The following TENM2 variants were observed in gnomAD, a reference collection of about 807,000 sequenced individuals.
The protein encoded by TENM2 is teneurin-2.
A neutral mutation model predicts 245.2 loss-of-function variants in TENM2; 52 were observed. The ratio of observed to expected loss-of-function variants is 0.21; its 90% CI spans 0.17 to 0.27. The LOEUF is 0.27. TENM2 is among the 10% of genes least tolerant of loss of function. The pLI is 1.00. For missense variants in TENM2, 3,046 were observed against 3,666.8 expected, an observed-to-expected ratio of 0.83 and a Z score of 4.37; for synonymous variants, 1,363 against 1,438.9, an observed-to-expected ratio of 0.95 and a Z score of 1.19.
At chr5:167,163,693 T>C in the TENM2 span, among the ~76,000 whole-genome samples, 1 of 152,212 alleles carries the variant, frequency 6.6e-6, no homozygotes, top group Admixed American at 6.5e-5. Context: ...TCTGCTATGA[T>C]GCTCTGACTA....
At chr5:167,195,960 A>T in the TENM2 span, among the ~76,000 whole-genome samples, 1 of 152,014 alleles carries the variant, frequency 6.6e-6, no homozygotes, top group Non-Finnish European at 1.5e-5. Context: ...GCCCCATTTG[A>T]TCATTACCCA....
At chr5:167,925,686 A>G (rs1777700979) in intron 3 of TENM2, among the ~76,000 whole-genome samples, 1 of 152,220 alleles carries the variant, frequency 6.6e-6, no homozygotes, top group Non-Finnish European at 1.5e-5. Context: ...TCACAATACC[A>G]AAGACATGGA....
chr5:167,825,709 C>T (rs950644521), intron 2 of TENM2, among the ~76,000 whole-genome samples: 5 of 152,024 alleles, frequency 3.3e-5, no homozygotes, highest in African/African-American at 1.2e-4. Context: ...GCCATGGAAA[C>T]CTGGGATTGG....
chr5:168,101,208 A>G (rs1793787866), intron 9 of TENM2, among the ~76,000 whole-genome samples: 1 of 152,170 alleles, frequency 6.6e-6, no homozygotes, highest in African/African-American at 2.4e-5. Context: ...TTCCTTGCAT[A>G]ATCTAATTTT....
intron 2 of TENM2, among the ~76,000 whole-genome samples, chr5:167,582,431 A>G (rs1244242081): frequency 6.6e-6 from 1 of 152,206 alleles, no homozygotes; most frequent in Non-Finnish European, 1.5e-5. Flanking sequence ...TGTGATTTAT[A>G]TACACACACA....
At chr5:167,457,509 G>T (rs1765997871) in intron 2 of TENM2, among the ~76,000 whole-genome samples, 1 of 151,644 alleles carries the variant, frequency 6.6e-6, no homozygotes, top group Admixed American at 6.6e-5. Context: ...CACCATGCCC[G>T]GGTAATTTTG....
chr5:168,030,167 T>TTTTTTTTTTTTTTTTTTC (rs1786996083), intron 5 of TENM2, among the ~76,000 whole-genome samples: 1 of 97,778 alleles, frequency 1.0e-5, no homozygotes, highest in Non-Finnish European at 2.3e-5. Flanking sequence ...TCTTTTTTTT[T>TTTTTTTTTTTTTTTTTTC]TTTTTTTTTT....
chr5:167,464,607 C>T (rs1766525457), intron 2 of TENM2, among the ~76,000 whole-genome samples: 1 of 152,022 alleles, frequency 6.6e-6, no homozygotes, highest in Non-Finnish European at 1.5e-5. Flanking sequence ...TTTGAATTTT[C>T]ATTATAACAT....
chr5:167,243,221 G>T, the TENM2 span, among the ~76,000 whole-genome samples: 4 of 152,000 alleles, frequency 2.6e-5, no homozygotes, highest in Non-Finnish European at 4.4e-5. Flanking sequence ...AATGAAGAAA[G>T]GTAGTTAAAT....
the TENM2 span, among the ~76,000 whole-genome samples, chr5:167,066,108 C>T: frequency 6.6e-6 from 1 of 152,046 alleles, no homozygotes; most frequent in African/African-American, 2.4e-5. Flanking sequence ...TCATTTGCCT[C>T]CATATCAAGG....
At chr5:167,468,914 T>C (rs1291690030) in intron 2 of TENM2, among the ~76,000 whole-genome samples, 19 of 152,194 alleles carry the variant, frequency 1.2e-4, no homozygotes, top group Admixed American at 1.2e-3. Context: ...ATTTCTATTG[T>C]ACTCAATTGA....
At chr5:167,668,491 G>A (rs1755717308) in intron 2 of TENM2, among the ~76,000 whole-genome samples, 1 of 152,114 alleles carries the variant, frequency 6.6e-6, no homozygotes, top group African/African-American at 2.4e-5. Flanking sequence ...ATAACTTCCT[G>A]CATCATTCAT....
At position 167,452,948 on chromosome 5, in the gene TENM2, T is replaced by TTTTAA. The variant is rs1554157741; in HGVS notation, c.502+77475_502+77476insTTTAA. 2.9e-4 allele frequency among the ~76,000 whole-genome samples: 14 copies of TTTTAA among 47,508 alleles called. 1 individual carries two copies. Among genetic ancestry groups the TTTTAA allele is most frequent in the African/African-American group, 5.4e-4 (8 of 14,894 alleles). The allele number at this position is 47,508 out of a possible 152,430, so 31.2% of individuals were successfully genotyped here. A position where few individuals can be genotyped will look rare whatever the true frequency, so the allele number is the denominator to read the frequency against. ...AGTATGATTTATATATATATATATA[T>TTTTAA]ATATATATATATATTTAAAAAAAAA... On this transcript the variant is annotated intron_variant, in intron 2 of 28. Coordinates refer to ENST00000518659, the Ensembl canonical transcript of TENM2.
intron 2 of TENM2, among the ~76,000 whole-genome samples, chr5:167,807,272 C>T (rs1417599688): frequency 1.3e-5 from 2 of 151,622 alleles, no homozygotes; most frequent in Non-Finnish European, 2.9e-5. Flanking sequence ...CTACACACTT[C>T]CCCAGTGTTC....
Position 167,470,941 on chromosome 5 carries a change from A to G in TENM2, c.502+95468A>G, listed in dbSNP as rs151327757. The stretch of plus-strand genomic sequence containing the variant: ...ATGAAAGAGCAATTGAATGATAGCC[A>G]AAGGGTCTGTGTTCTTTCTCTCCAG... On this transcript the variant is annotated intron_variant, in intron 2 of 28. Transcript: ENST00000518659. Among the ~76,000 whole-genome samples the G allele has an allele frequency of 3.0e-3, 463 of 152,340 alleles. 1 individual carries two copies. The highest frequency in any genetic ancestry group is 8.7e-3 in the African/African-American group (360 of 41,578).
intron 2 of TENM2, among the ~76,000 whole-genome samples, chr5:167,382,877 T>C (rs1761172706): frequency 6.6e-6 from 1 of 152,154 alleles, no homozygotes; most frequent in Non-Finnish European, 1.5e-5. Flanking sequence ...AGAAGAAAAT[T>C]GGTGTTTGAA....
intron 2 of TENM2, among the ~76,000 whole-genome samples, chr5:167,757,654 G>A (rs181746068): frequency 9.9e-5 from 15 of 152,186 alleles, no homozygotes; most frequent in Admixed American, 8.5e-4. Flanking sequence ...CTAGATCCTT[G>A]AGAAATCACC....
intron 2 of TENM2, among the ~76,000 whole-genome samples, chr5:167,567,415 C>T (rs1425308894): frequency 2.0e-5 from 3 of 151,830 alleles, no homozygotes; most frequent in Non-Finnish European, 4.4e-5. Flanking sequence ...TCATATTCAC[C>T]CTAAGGAAAA....
At chr5:167,015,734 G>C in the TENM2 span, among the ~76,000 whole-genome samples, 1 of 151,846 alleles carries the variant, frequency 6.6e-6, no homozygotes, top group Non-Finnish European at 1.5e-5. Flanking sequence ...ATCTGAAGTG[G>C]GTAAATCAAG....
Sources: allele counts gnomAD v4.1 joint callset (sites outside exome capture counted in the v4.1 genomes callset), GRCh38; gene constraint gnomAD v4.1.1; transcripts MANE v1.5; gene names NCBI Gene and HGNC (gene_info 2026-07-23, HGNC 2026-07-21).